Variants in RBFOX1 observed in about 807,000 individuals in gnomAD.
The protein encoded by RBFOX1 is RNA binding fox-1 homolog 1, also known as RNA binding protein fox-1 homolog 1.
A neutral mutation model predicts 57.7 loss-of-function variants in RBFOX1; 8 were observed. That is an observed-to-expected ratio of 0.14 (90% CI 0.08 to 0.25). The LOEUF is 0.25. Among genes scored for constraint, RBFOX1 ranks in the 10% least tolerant of loss-of-function variants. The pLI is 1.00. For missense variants in RBFOX1, 611 were observed against 548.5 expected, an observed-to-expected ratio of 1.11 and a Z score of -1.14; for synonymous variants, 326 against 222.4, an observed-to-expected ratio of 1.47 and a Z score of -4.15.
At chr16:6,627,014 T>G (rs1403070837) in intron 2 of RBFOX1, among the ~76,000 whole-genome samples, 1 of 152,218 alleles carries the variant, frequency 6.6e-6, no homozygotes, top group African/African-American at 2.4e-5. Context: ...AAGGCTGGGC[T>G]ATGTTGCCGA....
intron 3 of RBFOX1, among the ~76,000 whole-genome samples, chr16:6,891,981 C>T (rs2065543186): frequency 6.6e-6 from 1 of 152,164 alleles, no homozygotes. Context: ...CATTTTGATC[C>T]TGCTTACTGA....
intron 4 of RBFOX1, among the ~76,000 whole-genome samples, chr16:5,874,000 G>C (rs1264639097): frequency 6.6e-6 from 1 of 152,220 alleles, no homozygotes; most frequent in East Asian, 1.9e-4. Flanking sequence ...GATGTAATCA[G>C]AAGGAACACA....
intron 4 of RBFOX1, among the ~76,000 whole-genome samples, chr16:5,959,091 G>C (rs912087816): frequency 6.6e-6 from 1 of 152,180 alleles, no homozygotes; most frequent in South Asian, 2.1e-4. Flanking sequence ...ACAGAGAAAG[G>C]CTTGTTATGT....
rs1049732546 is a variant in RBFOX1 at position 6,002,120 on chromosome 16, C to T, written c.351+134785C>T. ...CCCAGTAGCTGGGACTACAAGCATG[C>T]ACCACCATGCCCGGCTAATTAAAAG... is the stretch of plus-strand genomic sequence containing the variant. On this transcript the variant is annotated intron_variant, in intron 4 of 19. Transcript: ENST00000641259. 4.6e-5 allele frequency among the ~76,000 whole-genome samples: 7 copies of T among 152,178 alleles called. 1 individual carries two copies. In the East Asian group the frequency reaches 5.8e-4, roughly 13 times the overall value.
chr16:5,865,519 A>G (rs1380329654), intron 3 of RBFOX1, among the ~76,000 whole-genome samples: 1 of 152,188 alleles, frequency 6.6e-6, no homozygotes, highest in Non-Finnish European at 1.5e-5. Flanking sequence ...CTAATGGTGC[A>G]TGAAAGCTGC....
intron 14 of RBFOX1, among the ~76,000 whole-genome samples, chr16:7,680,799 TGTA>T (rs2074534630): frequency 6.6e-6 from 1 of 152,162 alleles, no homozygotes; most frequent in Non-Finnish European, 1.5e-5. Flanking sequence ...TTGGCTCTGT[TGTA>T]ATATGAAAAT....
intron 1 of RBFOX1, among the ~76,000 whole-genome samples, chr16:5,424,931 C>CTTCCTTTCTTTG (rs1567490089): frequency 2.0e-4 from 17 of 83,844 alleles, no homozygotes; most frequent in East Asian, 7.0e-4. Context: ...TTCTTTCTTT[C>CTTCCTTTCTTTG]TTTCTCTCTC....
intron 1 of RBFOX1, among the ~76,000 whole-genome samples, chr16:6,108,700 T>C (rs2096410451): frequency 6.6e-6 from 1 of 152,172 alleles, no homozygotes; most frequent in African/African-American, 2.4e-5. Context: ...CCTATCTCCT[T>C]CTCAAGGTCC....
At chr16:7,207,759 G>A (rs1207327377) in intron 4 of RBFOX1, among the ~76,000 whole-genome samples, 1 of 152,186 alleles carries the variant, frequency 6.6e-6, no homozygotes, top group Non-Finnish European at 1.5e-5. Context: ...GGGTTAATTT[G>A]CCTGTTGCAC....
intron 4 of RBFOX1, among the ~76,000 whole-genome samples, chr16:7,347,660 A>T (rs1347974494): frequency 2.0e-5 from 3 of 152,180 alleles, no homozygotes; most frequent in Non-Finnish European, 4.4e-5. Flanking sequence ...TGACTCAGCT[A>T]CAGAGACTAT....
chr16:6,418,516 C>T (rs1482855899), intron 2 of RBFOX1, among the ~76,000 whole-genome samples: 2 of 127,656 alleles, frequency 1.6e-5, no homozygotes, highest in African/African-American at 3.9e-5. Flanking sequence ...TTCTGCAAGC[C>T]TTATTTTTTT....
intron 2 of RBFOX1, among the ~76,000 whole-genome samples, chr16:6,319,558 G>T (rs1253908071): frequency 6.6e-6 from 1 of 152,188 alleles, no homozygotes; most frequent in East Asian, 1.9e-4. Context: ...CAAGAGACCA[G>T]TATGGGTGTT....
chr16:7,437,488 G>A (rs2098732424), intron 4 of RBFOX1, among the ~76,000 whole-genome samples: 1 of 152,170 alleles, frequency 6.6e-6, no homozygotes, highest in Non-Finnish European at 1.5e-5. Context: ...GTTCCATGCA[G>A]TGTGTTTTTC....
At chr16:6,826,750 A>G (rs1434382953) in intron 3 of RBFOX1, among the ~76,000 whole-genome samples, 1 of 152,144 alleles carries the variant, frequency 6.6e-6, no homozygotes, top group Non-Finnish European at 1.5e-5. Context: ...AATAATTATC[A>G]TATTGACTCT....
chr16:5,781,874 C>T lies in RBFOX1; in HGVS notation c.319-85429C>T, dbSNP rs138873232. On this transcript the variant is annotated intron_variant, in intron 3 of 19. Transcript: ENST00000641259. ...GAAGAGATTGTCTTAGTCCATTGTGCTGCTATAACGAAATGCCTGAGACAG... is the reference window on the plus strand; with the variant it reads ...GAAGAGATTGTCTTAGTCCATTGTGTTGCTATAACGAAATGCCTGAGACAG... 3.7e-3 allele frequency among the ~76,000 whole-genome samples: 567 copies of T among 152,296 alleles called. 1 individual carries two copies. The highest frequency in any genetic ancestry group is 0.017 in the Middle Eastern group (5 of 294).
intron 4 of RBFOX1, among the ~76,000 whole-genome samples, chr16:5,992,155 A>G (rs1321668758): frequency 1.3e-5 from 2 of 152,160 alleles, no homozygotes; most frequent in Non-Finnish European, 2.9e-5. Flanking sequence ...AATATCAAAA[A>G]TTCTGAAGAA....
At chr16:5,559,161 C>A (rs10852660) in intron 2 of RBFOX1, among the ~76,000 whole-genome samples, 17 of 125,282 alleles carry the variant, frequency 1.4e-4, no homozygotes, top group South Asian at 5.3e-4. Flanking sequence ...AGAACCCCCC[C>A]AGGCAAAAAA....
chr16:5,517,930 C>CTGTGTGTGTGTG lies in RBFOX1; in HGVS notation c.258+50698_258+50709dup, dbSNP rs71404527. On this transcript the variant is annotated intron_variant, in intron 2 of 2. Transcript: ENST00000585867. ...ATATTTATAAAATATGCAAAAGCTA[C>CTGTGTGTGTGTG]TGTGTGTGTGTGTGTGTGTGTGTGT... Among the ~76,000 whole-genome samples the CTGTGTGTGTGTG allele has an allele frequency of 5.0e-3, 717 of 144,174 alleles. 8 individuals are homozygous for CTGTGTGTGTGTG. Among genetic ancestry groups the CTGTGTGTGTGTG allele is most frequent in the East Asian group, 0.046 (221 of 4,838 alleles). The allele number at this position is 144,174 out of a possible 152,430, so 94.6% of individuals were successfully genotyped here.
chr16:6,816,918 T>C (rs112395508), intron 3 of RBFOX1, among the ~76,000 whole-genome samples: 1 of 151,992 alleles, frequency 6.6e-6, no homozygotes, highest in Admixed American at 6.6e-5. Flanking sequence ...CTGTTTTTTT[T>C]GTATTTTTTG....
Sources: allele counts gnomAD v4.1 joint callset (sites outside exome capture counted in the v4.1 genomes callset), GRCh38; gene constraint gnomAD v4.1.1; transcripts MANE v1.5; gene names NCBI Gene and HGNC (gene_info 2026-07-23, HGNC 2026-07-21).